The following HIF1A variants were observed in gnomAD, a reference collection of about 807,000 sequenced individuals.
HIF1A encodes hypoxia-inducible factor 1-alpha.
A neutral mutation model predicts 92.7 loss-of-function variants in HIF1A; 24 were observed. The observed-to-expected ratio is 0.26, with a 90% confidence interval of 0.19 to 0.36. The LOEUF is 0.36. Ranked by LOEUF, HIF1A falls within the 10% of genes least tolerant of loss-of-function variation. The pLI, the probability that HIF1A is intolerant of heterozygous loss-of-function variation, is 1.00. For missense variants in HIF1A, 799 were observed against 998.5 expected (o/e 0.80, Z 2.69); for synonymous variants, 319 against 338.7 (o/e 0.94, Z 0.64).
chr14:61,727,355 A>G (rs925865010), intron 5 of HIF1A, 98 bp from the exon 6 acceptor site: 7 of 843,566 alleles, frequency 8.3e-6, no homozygotes, highest in Non-Finnish European at 7.8e-6. Context: ...AATTTTATCA[A>G]AGCTTACTGG....
chr14:61,700,634 T>C (rs2044167071), intron 1 of HIF1A, among the ~76,000 whole-genome samples: 1 of 152,202 alleles, frequency 6.6e-6, no homozygotes, highest in South Asian at 2.1e-4. Flanking sequence ...AGCTTTCACT[T>C]TTTTTGGATA....
At chr14:61,700,251 C>T (rs2044163028) in intron 1 of HIF1A, among the ~76,000 whole-genome samples, 1 of 152,118 alleles carries the variant, frequency 6.6e-6, no homozygotes, top group Non-Finnish European at 1.5e-5. Context: ...CCACTAACTT[C>T]CAGAACTTTT....
At position 61,738,809 on chromosome 14, in the gene HIF1A, C is replaced by T. The variant is rs547606356; in HGVS notation, c.1536+436C>T. Among the ~76,000 whole-genome samples the T allele has an allele frequency of 5.9e-5, 9 of 152,252 alleles. No homozygotes were observed. The South Asian group carries it at 1.0e-3, about 18-fold the overall frequency. ...TCACCCAGGCTGGAGTGCAGTGGTGCAATCACAGCCTCAACCTCCCAGGCT... is the reference window on the plus strand; with the variant it reads ...TCACCCAGGCTGGAGTGCAGTGGTGTAATCACAGCCTCAACCTCCCAGGCT... On this transcript the variant is annotated intron_variant, in intron 10 of 14. Coordinates refer to ENST00000337138, the MANE Select transcript of HIF1A (RefSeq NM_001530.4).
chr14:61,738,031 A>T (rs1367625872), intron 9 of HIF1A, 56 bp from the exon 10 acceptor site: 20 of 172,030 alleles, frequency 1.2e-4, no homozygotes, highest in Non-Finnish European at 1.8e-4. Flanking sequence ...TGTCTTGGGT[A>T]AAAAAAAAAA....
Position 61,742,606 on chromosome 14 carries a change from C to T in HIF1A, c.2093+1418C>T, listed in dbSNP as rs188848779. Among the ~76,000 whole-genome samples the T allele has an allele frequency of 3.3e-5, 5 of 152,192 alleles. 1 individual carries two copies. The highest frequency in any genetic ancestry group is 2.0e-4 in the Admixed American group (3 of 15,286). ...CTTCCTCAATAAATGGTTGTTGAGG[C>T]AGGGCGCAGTGGCTCATCACTGTAA... On this transcript the variant is annotated intron_variant, in intron 12 of 14. Coordinates refer to ENST00000337138, the MANE Select transcript of HIF1A (RefSeq NM_001530.4).
At chr14:61,740,331 C>G (rs1438154892) in intron 10 of HIF1A, 174 bp from the exon 11 acceptor site, 1 of 461,384 alleles carries the variant, frequency 2.2e-6, no homozygotes, top group Non-Finnish European at 3.8e-6. Context: ...TCCCAAAGTG[C>G]TGGGATTACA....
chr14:61,739,689 A>G (rs2044683181), intron 10 of HIF1A, among the ~76,000 whole-genome samples: 2 of 152,234 alleles, frequency 1.3e-5, no homozygotes, highest in African/African-American at 4.8e-5. Flanking sequence ...ACACAGCTAT[A>G]GTTTTTTGTT....
At chr14:61,711,634 A>G (rs140571768) in intron 1 of HIF1A, among the ~76,000 whole-genome samples, 5 of 152,120 alleles carry the variant, frequency 3.3e-5, no homozygotes, top group Admixed American at 2.6e-4. Flanking sequence ...GATTGTTTTA[A>G]TTGATAGCTG....
chr14:61,732,348 G>A (rs556196016), intron 6 of HIF1A, 70 bp from the exon 7 acceptor site: 1 of 911,752 alleles, frequency 1.1e-6, no homozygotes, highest in East Asian at 2.4e-5. Flanking sequence ...CAGTTAACTT[G>A]GGAGGAGAAA....
At chr14:61,706,213 C>T (rs934105867) in intron 1 of HIF1A, among the ~76,000 whole-genome samples, 4 of 152,074 alleles carry the variant, frequency 2.6e-5, no homozygotes, top group Non-Finnish European at 5.9e-5. Flanking sequence ...TGGGGAAAGT[C>T]AGTGATACAC....
intron 1 of HIF1A, among the ~76,000 whole-genome samples, chr14:61,702,551 T>G (rs569204569): frequency 6.6e-6 from 1 of 152,096 alleles, no homozygotes; most frequent in Non-Finnish European, 1.5e-5. Context: ...TTTTTTGATA[T>G]AGATATTTAA....
chr14:61,721,442 C>T (rs1006889179), intron 2 of HIF1A, 67 bp from the exon 3 acceptor site: 7 of 1,354,536 alleles, frequency 5.2e-6, no homozygotes, highest in Admixed American at 2.0e-5. Context: ...GTAAAAACAT[C>T]TAAATATTAT....
intron 12 of HIF1A, among the ~76,000 whole-genome samples, chr14:61,744,114 A>G (rs2044746683): frequency 6.6e-6 from 1 of 152,222 alleles, no homozygotes; most frequent in African/African-American, 2.4e-5. Flanking sequence ...CTGCATTGTT[A>G]TATTAGGTGG....
At chr14:61,737,855 C>T (rs1028262525) in intron 9 of HIF1A, among the ~76,000 whole-genome samples, 20 of 151,954 alleles carry the variant, frequency 1.3e-4, no homozygotes, top group African/African-American at 4.6e-4. Flanking sequence ...GGTGAAACCC[C>T]GTCTCTACCA....
intron 14 of HIF1A, among the ~76,000 whole-genome samples, chr14:61,746,391 T>A (rs58328300): frequency 0.77 from 88,151 of 114,380 alleles, 33,883 homozygotes; most frequent in Non-Finnish European, 0.83. Context: ...TTTTATGACT[T>A]CTTTTTTTTT....
Position 61,695,734 on chromosome 14 carries a change from G to A in HIF1A, c.-71G>A. 1 of 1,508,646 alleles carries A rather than the reference G, an allele frequency of 6.6e-7. No individual in the cohort carries two copies. The highest frequency in any genetic ancestry group is 9.0e-7 in the Non-Finnish European group (1 of 1,109,712). The allele number at this position is 1,508,646 out of a possible 1,614,324, so 93.5% of individuals were successfully genotyped here. On this transcript the variant is annotated 5_prime_UTR_variant, in exon 1 of 15. Transcript: ENST00000337138. Reference sequence around the variant, plus strand: ...TTCCTTCTCTTCTCCGCGTGTGGAGGGAGCCAGCGCTTAGGCCGGAGCGAG... The same window carrying A: ...TTCCTTCTCTTCTCCGCGTGTGGAGAGAGCCAGCGCTTAGGCCGGAGCGAG...
At chr14:61,727,380 A>G in intron 5 of HIF1A, 73 bp from the exon 6 acceptor site, 2 of 1,110,730 alleles carry the variant, frequency 1.8e-6, no homozygotes, top group Middle Eastern at 4.0e-4. Context: ...GTCAGACTCA[A>G]CTACTTATCT....
chr14:61,719,056 C>T (rs2044396337), intron 1 of HIF1A, among the ~76,000 whole-genome samples: 1 of 152,152 alleles, frequency 6.6e-6, no homozygotes, highest in African/African-American at 2.4e-5. Context: ...CTTGTTACTC[C>T]AGAATGTTGC....
chr14:61,702,145 C>T (rs12050207), intron 1 of HIF1A, among the ~76,000 whole-genome samples: 4 of 150,498 alleles, frequency 2.7e-5, no homozygotes, highest in East Asian at 2.0e-4. Flanking sequence ...GAAATATTGT[C>T]GGCCCGGCAC....
Sources: allele counts gnomAD v4.1 joint callset (sites outside exome capture counted in the v4.1 genomes callset), GRCh38; gene constraint gnomAD v4.1.1; transcripts MANE v1.5; gene names NCBI Gene and HGNC (gene_info 2026-07-23, HGNC 2026-07-21).